The following KBTBD12 variants were observed in gnomAD, a reference collection of about 807,000 sequenced individuals.
KBTBD12 encodes the protein kelch repeat and BTB domain-containing protein 12.
In KBTBD12, 53 loss-of-function variants were observed where a neutral mutation model predicts 58.7. That is an observed-to-expected ratio of 0.90 (90% CI 0.72 to 1.14). The LOEUF (loss-of-function observed/expected upper bound fraction) is 1.14, where lower values mean the gene tolerates loss of function less well. Among genes scored for constraint, KBTBD12 ranks in the 50% most tolerant of loss-of-function variants. The pLI, the probability that KBTBD12 is intolerant of heterozygous loss-of-function variation, is 0.00. For synonymous variants in KBTBD12, 236 were observed against 259.8 expected, an observed-to-expected ratio of 0.91 and a Z score of 0.88; for missense variants, 704 against 751.3, an observed-to-expected ratio of 0.94 and a Z score of 0.74.
chr3:127,952,742 A>C (rs983865993), intron 4 of KBTBD12, among the ~76,000 whole-genome samples: 3 of 152,216 alleles, frequency 2.0e-5, no homozygotes, highest in Admixed American at 1.3e-4. Flanking sequence ...CAATCGTCTG[A>C]CTTCCTGTTA....
intron 4 of KBTBD12, among the ~76,000 whole-genome samples, chr3:127,944,425 T>C (rs1940026109): frequency 6.6e-6 from 1 of 152,242 alleles, no homozygotes; most frequent in Non-Finnish European, 1.5e-5. Flanking sequence ...TTTCTAAGTA[T>C]TTTATCCTTT....
intron 4 of KBTBD12, among the ~76,000 whole-genome samples, chr3:127,942,791 T>C (rs1939985122): frequency 6.6e-6 from 1 of 151,760 alleles, no homozygotes; most frequent in South Asian, 2.1e-4. Context: ...AAGAGGTTTA[T>C]TTAGCTCATG....
chr3:127,961,672 C>T (rs917380312), intron 4 of KBTBD12, among the ~76,000 whole-genome samples: 1 of 152,160 alleles, frequency 6.6e-6, no homozygotes, highest in African/African-American at 2.4e-5. Flanking sequence ...GCCCCAGTAG[C>T]ACACTCACTT....
In KBTBD12 at chr3:127,987,398, C is replaced by T. The variant is rs537952524; in HGVS notation, c.*3120C>T. 6.6e-6 allele frequency: 1 copy of T among 152,346 alleles called. No homozygotes were observed. Among genetic ancestry groups the T allele is most frequent in the Admixed American group, 6.5e-5 (1 of 15,298 alleles). 9.4% of individuals were successfully genotyped at this position (152,346 alleles called of 1,614,324 possible). On this transcript the variant is annotated 3_prime_UTR_variant, in exon 6 of 6. Coordinates refer to ENST00000405109, the MANE Select transcript of KBTBD12 (RefSeq NM_207335.4). Reference sequence around the variant, plus strand: ...AATATATTCCTATCACTCCTGTTTTCACTTTAATAGAAGGCTGTTGCAGTA... The same window carrying T: ...AATATATTCCTATCACTCCTGTTTTTACTTTAATAGAAGGCTGTTGCAGTA...
rs1228653941 is a variant in KBTBD12, at chr3:127,984,914, TCTC to T, written c.*639_*641del. 1.3e-5 allele frequency: 2 copies of T among 152,294 alleles called. No individual in the cohort carries two copies. The highest frequency in any genetic ancestry group is 2.9e-5 in the Non-Finnish European group (2 of 68,152). 9.4% of individuals were successfully genotyped at this position (152,294 alleles called of 1,614,324 possible). On this transcript the variant is annotated 3_prime_UTR_variant, in exon 6 of 6. Transcript: ENST00000405109. ...CTTCAGTCTTATAAACACTGACCAT[TCTC>T]CTTCAGAATCCCCTTCTACTGAAGC...
At chr3:127,955,500 G>T (rs1940301404) in intron 4 of KBTBD12, among the ~76,000 whole-genome samples, 1 of 152,192 alleles carries the variant, frequency 6.6e-6, no homozygotes, top group Non-Finnish European at 1.5e-5. Context: ...CTTTTCTTTT[G>T]ATAAAATTCT....
intron 1 of KBTBD12, among the ~76,000 whole-genome samples, chr3:127,917,121 A>T (rs964442329): frequency 6.6e-6 from 1 of 152,164 alleles, no homozygotes; most frequent in Non-Finnish European, 1.5e-5. Flanking sequence ...ACTCAGTGCA[A>T]TTCTGACACC....
At chr3:127,920,888 AAGC>A (rs1939389453) in intron 1 of KBTBD12, among the ~76,000 whole-genome samples, 1 of 151,830 alleles carries the variant, frequency 6.6e-6, no homozygotes, top group Non-Finnish European at 1.5e-5. Flanking sequence ...CTATAAATTG[AAGC>A]AGTGAGTAAC....
At chr3:127,983,436 A>C (rs960584027) in intron 5 of KBTBD12, among the ~76,000 whole-genome samples, 19 of 152,234 alleles carry the variant, frequency 1.2e-4, no homozygotes, top group African/African-American at 4.6e-4. Context: ...AGAATGGATT[A>C]GTTCCTGGGA....
intron 2 of KBTBD12, among the ~76,000 whole-genome samples, chr3:127,924,952 C>T (rs1385004327): frequency 6.6e-6 from 1 of 152,180 alleles, no homozygotes; most frequent in East Asian, 1.9e-4. Context: ...ATAAATACTA[C>T]ATAGTAAAAC....
At chr3:127,974,719 G>A (rs1436182402) in intron 5 of KBTBD12, among the ~76,000 whole-genome samples, 1 of 152,178 alleles carries the variant, frequency 6.6e-6, no homozygotes, top group Non-Finnish European at 1.5e-5. Flanking sequence ...CAGGCACGGT[G>A]GCTCACGCCT....
At chr3:127,935,352 A>C (rs575471551) in intron 4 of KBTBD12, among the ~76,000 whole-genome samples, 2 of 152,312 alleles carry the variant, frequency 1.3e-5, no homozygotes, top group South Asian at 4.1e-4. Context: ...TTTTGGAACA[A>C]AGTTGCTGTT....
chr3:127,944,087 CT>C (rs1285160570), intron 4 of KBTBD12, among the ~76,000 whole-genome samples: 1 of 152,086 alleles, frequency 6.6e-6, no homozygotes, highest in African/African-American at 2.4e-5. Flanking sequence ...ATCACTATAG[CT>C]TTGTAATAGA....
chr3:127,938,245 A>G (rs2107597361), intron 4 of KBTBD12, among the ~76,000 whole-genome samples: 1 of 152,296 alleles, frequency 6.6e-6, no homozygotes, highest in Non-Finnish European at 1.5e-5. Context: ...TTAAACAGTG[A>G]TAAAATAGTA....
chr3:127,971,800 C>T (rs1940687104), intron 5 of KBTBD12, among the ~76,000 whole-genome samples: 1 of 152,194 alleles, frequency 6.6e-6, no homozygotes, highest in African/African-American at 2.4e-5. Context: ...TTTTCATCAT[C>T]TTCTTTGGCT....
intron 4 of KBTBD12, among the ~76,000 whole-genome samples, chr3:127,933,757 C>G (rs763464475): frequency 6.6e-6 from 1 of 152,106 alleles, no homozygotes; most frequent in African/African-American, 2.4e-5. Flanking sequence ...ACTACAACCA[C>G]CAGTCATTGA....
At chr3:127,944,508 G>A (rs1282952687) in intron 4 of KBTBD12, among the ~76,000 whole-genome samples, 1 of 152,086 alleles carries the variant, frequency 6.6e-6, no homozygotes, top group Non-Finnish European at 1.5e-5. Flanking sequence ...GAATGCAACT[G>A]ATTTTTGTGT....
At chr3:127,969,906 G>T (rs188253738) in intron 5 of KBTBD12, among the ~76,000 whole-genome samples, 2 of 151,834 alleles carry the variant, frequency 1.3e-5, no homozygotes, top group East Asian at 1.9e-4. Context: ...TTAGGTGATG[G>T]TTTCTTAGAA....
chr3:127,938,019 C>T (rs191995142), intron 4 of KBTBD12, among the ~76,000 whole-genome samples: 11 of 152,024 alleles, frequency 7.2e-5, no homozygotes, highest in Middle Eastern at 3.4e-3. Context: ...TGAAAGCAGA[C>T]CACCAGCAGA....
Sources: allele counts gnomAD v4.1 joint callset (sites outside exome capture counted in the v4.1 genomes callset), GRCh38; gene constraint gnomAD v4.1.1; transcripts MANE v1.5; gene names NCBI Gene and HGNC (gene_info 2026-07-23, HGNC 2026-07-21).